CNTNAP2: variants seen among roughly 807,000 people sequenced by gnomAD.
The protein encoded by CNTNAP2 is contactin associated protein 2, also known as contactin-associated protein-like 2.
CNTNAP2 carries 98 observed loss-of-function variants against 155.2 expected under a neutral mutation model. The observed-to-expected ratio is 0.63, with a 90% CI of 0.54 to 0.75. CNTNAP2 has a LOEUF of 0.75. Among genes scored for constraint, CNTNAP2 ranks in the 30% least tolerant of loss-of-function variants. The probability of loss-of-function intolerance (pLI) is 0.00; values close to 1 mark genes in which losing one functional copy is unlikely to be tolerated. For missense variants in CNTNAP2, 1,727 were observed against 1,688.1 expected, an observed-to-expected ratio of 1.02 and a Z score of -0.40; for synonymous variants, 651 against 631.2, an observed-to-expected ratio of 1.03 and a Z score of -0.47.
intron 13 of CNTNAP2, among the ~76,000 whole-genome samples, chr7:147,862,004 A>G (rs1439864794): frequency 1.6e-4 from 9 of 55,038 alleles, no homozygotes; most frequent in Non-Finnish European, 3.4e-4. Flanking sequence ...TCTCACAAAA[A>G]AAAAAAAAAA....
At chr7:146,643,567 G>A (rs548007531) in intron 1 of CNTNAP2, among the ~76,000 whole-genome samples, 1 of 152,144 alleles carries the variant, frequency 6.6e-6, no homozygotes, top group African/African-American at 2.4e-5. Context: ...CTGTAGCCTT[G>A]TAGTATAGTT....
intron 10 of CNTNAP2, among the ~76,000 whole-genome samples, chr7:147,442,473 C>A (rs111381145): frequency 1.4e-4 from 22 of 152,112 alleles, no homozygotes; most frequent in African/African-American, 4.8e-4. Flanking sequence ...GAATTAGGGA[C>A]TCCAAGAGCC....
intron 11 of CNTNAP2, among the ~76,000 whole-genome samples, chr7:147,538,520 C>T (rs377558690): frequency 5.3e-5 from 8 of 151,928 alleles, no homozygotes; most frequent in South Asian, 2.1e-4. Flanking sequence ...TGAGGTGGCA[C>T]GCATCTATAG....
rs118065441 is a variant in CNTNAP2, at chr7:146,896,578, C to T, written c.402+56674C>T. Among the ~76,000 whole-genome samples, 63 of 152,030 alleles carry T rather than the reference C, an allele frequency of 4.1e-4. No homozygotes were observed. The East Asian group carries it at 0.011, about 27-fold the overall frequency. ...AATCAATACAATTTTGTTGGCTGATCAACAAACCAGGCAATATCAAATATT... is the reference window on the plus strand; with the variant it reads ...AATCAATACAATTTTGTTGGCTGATTAACAAACCAGGCAATATCAAATATT... On this transcript the variant is annotated intron_variant, in intron 3 of 23. Transcript: ENST00000361727.
At chr7:147,070,323 G>A (rs1056846448) in intron 4 of CNTNAP2, among the ~76,000 whole-genome samples, 5 of 152,200 alleles carry the variant, frequency 3.3e-5, no homozygotes, top group Non-Finnish European at 7.3e-5. Context: ...CATAAATGCA[G>A]AGGCAGAAAA....
intron 11 of CNTNAP2, among the ~76,000 whole-genome samples, chr7:147,507,605 T>TGCA (rs1458891779): frequency 7.0e-6 from 1 of 142,950 alleles, no homozygotes; most frequent in Non-Finnish European, 1.5e-5. Flanking sequence ...CAGGCTGGAG[T>TGCA]GCAGTAGGGC....
At chr7:146,242,591 G>A (rs1799581350) in intron 1 of CNTNAP2, among the ~76,000 whole-genome samples, 1 of 151,532 alleles carries the variant, frequency 6.6e-6, no homozygotes, top group Non-Finnish European at 1.5e-5. Flanking sequence ...TAAAAACATG[G>A]ATACCCAAAT....
chr7:148,230,891 G>A (rs1326027341), intron 20 of CNTNAP2, among the ~76,000 whole-genome samples: 1 of 152,108 alleles, frequency 6.6e-6, no homozygotes, highest in Non-Finnish European at 1.5e-5. Flanking sequence ...ATTCTTTATG[G>A]AGTAAACCAA....
intron 1 of CNTNAP2, among the ~76,000 whole-genome samples, chr7:146,603,139 G>A (rs950998303): frequency 2.6e-5 from 4 of 151,402 alleles, no homozygotes; most frequent in Non-Finnish European, 2.9e-5. Flanking sequence ...ATAGCTGGGC[G>A]AGGTGGCTCA....
intron 1 of CNTNAP2, among the ~76,000 whole-genome samples, chr7:146,426,212 T>TAAAAAAAAAAAAAAAAAAA (rs1554431713): frequency 1.4e-4 from 16 of 113,266 alleles, no homozygotes; most frequent in African/African-American, 4.2e-4. Context: ...AAAAAAAAAT[T>TAAAAAAAAAAAAAAAAAAA]AAAACTTAAG....
intron 1 of CNTNAP2, among the ~76,000 whole-genome samples, chr7:146,246,199 G>A (rs1446271871): frequency 6.6e-6 from 1 of 151,316 alleles, no homozygotes; most frequent in African/African-American, 2.4e-5. Flanking sequence ...CGGTCGCCAA[G>A]GAGGGAGTAG....
intron 1 of CNTNAP2, among the ~76,000 whole-genome samples, chr7:146,547,666 T>G (rs373368949): frequency 6.6e-6 from 1 of 151,988 alleles, no homozygotes; most frequent in African/African-American, 2.4e-5. Context: ...TTCTTTATTT[T>G]AAATCCGGAT....
intron 11 of CNTNAP2, among the ~76,000 whole-genome samples, chr7:147,559,563 A>G (rs17324595): frequency 0.46 from 69,736 of 151,954 alleles, 16,170 homozygotes; most frequent in East Asian, 0.61. Flanking sequence ...ACCAAATGAA[A>G]GACAATGATA....
intron 4 of CNTNAP2, among the ~76,000 whole-genome samples, chr7:147,057,728 A>G (rs1197059004): frequency 6.6e-6 from 1 of 152,224 alleles, no homozygotes; most frequent in Non-Finnish European, 1.5e-5. Context: ...AGTGTCACCT[A>G]GAAATCAGTT....
At chr7:146,973,239 G>C (rs1035301023) in intron 3 of CNTNAP2, among the ~76,000 whole-genome samples, 1 of 152,116 alleles carries the variant, frequency 6.6e-6, no homozygotes, top group Non-Finnish European at 1.5e-5. Context: ...TGTTGACCAG[G>C]CTGGTCTCCA....
At chr7:148,225,898 G>T (rs1422422576) in intron 19 of CNTNAP2, among the ~76,000 whole-genome samples, 1 of 152,170 alleles carries the variant, frequency 6.6e-6, no homozygotes, top group Non-Finnish European at 1.5e-5. Context: ...CTGAAATGTG[G>T]AAAACTGCAA....
intron 1 of CNTNAP2, among the ~76,000 whole-genome samples, chr7:146,328,311 T>C (rs1197784076): frequency 6.6e-6 from 1 of 152,172 alleles, no homozygotes; most frequent in Non-Finnish European, 1.5e-5. Context: ...TTGTCTTCTA[T>C]GAAACTGGTC....
intron 12 of CNTNAP2, among the ~76,000 whole-genome samples, chr7:147,604,809 C>G (rs990880993): frequency 4.6e-5 from 7 of 152,314 alleles, no homozygotes; most frequent in African/African-American, 1.7e-4. Context: ...CAGGCAAACT[C>G]TGAAAACCAC....
intron 10 of CNTNAP2, among the ~76,000 whole-genome samples, chr7:147,422,845 A>G (rs1414013316): frequency 6.6e-6 from 1 of 152,214 alleles, no homozygotes; most frequent in African/African-American, 2.4e-5. Flanking sequence ...TTTTAAGCTC[A>G]CAAAATACTT....
Sources: allele counts gnomAD v4.1 joint callset (sites outside exome capture counted in the v4.1 genomes callset), GRCh38; gene constraint gnomAD v4.1.1; transcripts MANE v1.5; gene names NCBI Gene and HGNC (gene_info 2026-07-23, HGNC 2026-07-21).